HOOK1: variants seen among roughly 807,000 people sequenced by gnomAD.
The protein encoded by HOOK1 is protein Hook homolog 1.
Under a neutral mutation model 112.8 loss-of-function variants are expected in HOOK1, and 60 were observed. The ratio of observed to expected loss-of-function variants is 0.53; its 90% CI spans 0.43 to 0.66. The LOEUF (loss-of-function observed/expected upper bound fraction) is 0.66. HOOK1 is among the 30% of genes least tolerant of loss of function. The pLI is 0.00. For missense variants in HOOK1, 770 were observed against 856.0 expected (o/e 0.90, Z 1.25); for synonymous variants, 294 against 283.8 (o/e 1.04, Z -0.36).
chr1:59,846,904 A>G, intron 9 of HOOK1, 141 bp from the exon 10 acceptor site: 2 of 539,792 alleles, frequency 3.7e-6, no homozygotes, highest in Non-Finnish European at 6.2e-6. Context: ...TTTGGCATTT[A>G]TTGATACATA....
intron 6 of HOOK1, among the ~76,000 whole-genome samples, chr1:59,836,463 T>C (rs936632304): frequency 2.0e-5 from 3 of 152,214 alleles, no homozygotes; most frequent in African/African-American, 7.2e-5. Context: ...GGATCTTTTT[T>C]TCATATAATC....
intron 20 of HOOK1, 138 bp downstream of exon 20, chr1:59,868,489 A>G: frequency 6.1e-6 from 4 of 660,440 alleles, no homozygotes; most frequent in Non-Finnish European, 1.1e-5. Flanking sequence ...TGTGTTTATT[A>G]CAAAGCATCT....
At chr1:59,865,784 A>T in intron 18 of HOOK1, 88 bp from the exon 19 acceptor site, 1 of 470,890 alleles carries the variant, frequency 2.1e-6, no homozygotes, top group Non-Finnish European at 3.6e-6. Flanking sequence ...AATAAATATT[A>T]TAAATATAAT....
chr1:59,844,628 A>G (rs2098402691), intron 9 of HOOK1, among the ~76,000 whole-genome samples: 1 of 151,968 alleles, frequency 6.6e-6, no homozygotes, highest in Non-Finnish European at 1.5e-5. Flanking sequence ...AGTTTCTACT[A>G]AAAACCTTTT....
intron 7 of HOOK1, among the ~76,000 whole-genome samples, chr1:59,838,863 T>A (rs566579305): frequency 1.7e-4 from 26 of 152,276 alleles, no homozygotes; most frequent in Admixed American, 1.7e-3. Flanking sequence ...CCATCTTGAG[T>A]TGATTTTTGT....
intron 8 of HOOK1, among the ~76,000 whole-genome samples, chr1:59,842,186 C>A (rs1413975048): frequency 6.6e-6 from 1 of 152,068 alleles, no homozygotes; most frequent in Non-Finnish European, 1.5e-5. Flanking sequence ...TTTTGACAGC[C>A]CCTACACTCA....
In HOOK1 at chr1:59,871,086, C is replaced by A. The variant is rs544185342; in HGVS notation, c.1992C>A (p.Leu664=). The A allele has an allele frequency of 2.7e-4, 429 of 1,611,790 alleles. 7 individuals carry two copies. The South Asian group carries it at 4.3e-3, about 16-fold the overall frequency. Reference sequence around the variant, plus strand: ...AATTCCGTGATTATGAAGAAAAACTCATTGTTTCTGCGTGGTATAATAAGG... The same window carrying A: ...AATTCCGTGATTATGAAGAAAAACTAATTGTTTCTGCGTGGTATAATAAGG... ...VAKFRDYEEK[L]IVSAWYNKSL... is the part of the protein sequence containing the mutation. Residue 664 remains leucine (L), a synonymous_variant, in exon 21 of 22, where the codon CTC becomes CTA. Coordinates refer to ENST00000371208, the MANE Select transcript of HOOK1 (RefSeq NM_015888.6).
At chr1:59,821,732 A>T in intron 1 of HOOK1, 126 bp from the exon 2 acceptor site, 1 of 638,424 alleles carries the variant, frequency 1.6e-6, no homozygotes, top group Non-Finnish European at 2.6e-6. Context: ...GTCTACATTT[A>T]AACAAAACAG....
intron 3 of HOOK1, among the ~76,000 whole-genome samples, chr1:59,829,805 C>A (rs1054077590): frequency 1.3e-5 from 2 of 151,826 alleles, no homozygotes; most frequent in Non-Finnish European, 2.9e-5. Context: ...TTTCTTGCTT[C>A]TTAAGGTGGA....
Position 59,858,496 on chromosome 1 carries a change from G to C in HOOK1, c.1311G>C (p.Gln437His). 6.2e-7 allele frequency: 1 copy of C among 1,611,660 alleles called. No homozygotes were observed. Among genetic ancestry groups the C allele is most frequent in the African/African-American group, 1.3e-5 (1 of 74,976 alleles). ...NEELRCSQVQQDHLNQTDASA... is the reference protein window; with the variant it reads ...NEELRCSQVQHDHLNQTDASA... ...AGCTTCGATGTTCACAAGTACAACA[G>C]GACCACCTAAACCAAACAGGTTAAT... is the stretch of plus-strand genomic sequence containing the variant. The change falls in exon 13 of 22, where the codon CAG becomes CAC. Residue 437 changes from glutamine to histidine, a missense_variant. Gln to His is a conservative substitution (Grantham distance 24). Transcript: ENST00000371208.
At chr1:59,833,000 A>G (rs2098395120) in intron 4 of HOOK1, among the ~76,000 whole-genome samples, 1 of 152,276 alleles carries the variant, frequency 6.6e-6, no homozygotes, top group South Asian at 2.1e-4. Flanking sequence ...CTCATTTGTA[A>G]AAGTACAGTG....
Position 59,874,791 on chromosome 1 carries a change from T to A in HOOK1, c.*1826T>A, listed in dbSNP as rs1457860327. 2 of 152,604 alleles carry A rather than the reference T, an allele frequency of 1.3e-5. No homozygotes were observed. The highest frequency in any genetic ancestry group is 2.9e-5 in the Non-Finnish European group (2 of 67,998). The allele number at this position is 152,604 out of a possible 1,614,324, so 9.5% of individuals were successfully genotyped here. On this transcript the variant is annotated 3_prime_UTR_variant, in exon 22 of 22. Transcript: ENST00000371208. ...TATTGTTCCATTTACAGTATTATTA[T>A]TTTTTAGATACCTGGTTTTTAGATT...
Position 59,874,623 on chromosome 1 carries a change from A to T in HOOK1, c.*1658A>T, listed in dbSNP as rs1644106776. 1 of 152,238 alleles carries T rather than the reference A, an allele frequency of 6.6e-6. No homozygotes were observed. The highest frequency in any genetic ancestry group is 2.1e-4 in the South Asian group (1 of 4,836). 9.4% of individuals were successfully genotyped at this position (152,238 alleles called of 1,614,324 possible). On this transcript the variant is annotated 3_prime_UTR_variant, in exon 22 of 22. Coordinates refer to ENST00000371208, the MANE Select transcript of HOOK1 (RefSeq NM_015888.6). Reference sequence around the variant, plus strand: ...CATTATAGAGTTAAAGCAGCCATACACAATATATAAACAAAATGGGCATAG... The same window carrying T: ...CATTATAGAGTTAAAGCAGCCATACTCAATATATAAACAAAATGGGCATAG...
rs1280988104 is a variant in HOOK1 at position 59,846,586 on chromosome 1, CCTCCCT to C, written c.789-457_789-452del. Among the ~76,000 whole-genome samples the C allele has an allele frequency of 5.2e-4, 41 of 78,586 alleles. 1 individual carries two copies. Among genetic ancestry groups the C allele is most frequent in the Middle Eastern group, 5.3e-3 (1 of 190 alleles). 51.6% of individuals were successfully genotyped at this position (78,586 alleles called of 152,430 possible). A position where few individuals can be genotyped will look rare whatever the true frequency, so the allele number is the denominator to read the frequency against. On this transcript the variant is annotated intron_variant, in intron 9 of 21. Coordinates refer to ENST00000371208, the MANE Select transcript of HOOK1 (RefSeq NM_015888.6). ...TCCTTCCTTCCTTCCTTCCTTCCTT[CCTCCCT>C]CCTCCCTCCCTCCCTCCCTCTCTCT...
At chr1:59,849,616 A>G (rs2102046547) in intron 12 of HOOK1, among the ~76,000 whole-genome samples, 1 of 151,722 alleles carries the variant, frequency 6.6e-6, no homozygotes, top group Non-Finnish European at 1.5e-5. Context: ...CTAAAAAGAA[A>G]CCTCATGCCC....
At chr1:59,870,611 T>A (rs1189202061) in intron 20 of HOOK1, among the ~76,000 whole-genome samples, 2 of 152,106 alleles carry the variant, frequency 1.3e-5, no homozygotes, top group African/African-American at 4.8e-5. Flanking sequence ...GAGAGAAAAA[T>A]TTGTATTAAA....
intron 6 of HOOK1, among the ~76,000 whole-genome samples, chr1:59,835,933 G>C (rs74784328): frequency 0.078 from 11,904 of 152,008 alleles, 507 homozygotes; most frequent in African/African-American, 0.12. Context: ...GCCATGGACT[G>C]GTGCCAGTCC....
At chr1:59,855,976 ATATATATATTTTTTT>A (rs2098410444) in intron 12 of HOOK1, among the ~76,000 whole-genome samples, 1 of 70,608 alleles carries the variant, frequency 1.4e-5, no homozygotes, top group Admixed American at 1.6e-4. Flanking sequence ...TTATATATAT[ATATATATATTTTTTT>A]TTTTTTTTTT....
intron 2 of HOOK1, among the ~76,000 whole-genome samples, chr1:59,823,506 T>G (rs2098387444): frequency 1.3e-5 from 2 of 152,200 alleles, no homozygotes; most frequent in Admixed American, 1.3e-4. Flanking sequence ...GTTGTGAATA[T>G]TGGTGTAGAT....
Sources: allele counts gnomAD v4.1 joint callset (sites outside exome capture counted in the v4.1 genomes callset), GRCh38; gene constraint gnomAD v4.1.1; transcripts MANE v1.5; gene names NCBI Gene and HGNC (gene_info 2026-07-23, HGNC 2026-07-21).